CCDC33: variants seen among roughly 807,000 people sequenced by gnomAD.
The protein encoded by CCDC33 is coiled-coil domain-containing protein 33.
A neutral mutation model predicts 91.9 loss-of-function variants in CCDC33; 94 were observed. The observed-to-expected ratio is 1.02, with a 90% confidence interval of 0.87 to 1.21. The LOEUF (loss-of-function observed/expected upper bound fraction) is 1.21, where lower values mean the gene tolerates loss of function less well. Among genes scored for constraint, CCDC33 ranks in the 50% most tolerant of loss-of-function variants. CCDC33 has a pLI of 0.00. For missense variants in CCDC33, 940 were observed against 935.5 expected (o/e 1.00, Z -0.06); for synonymous variants, 396 against 374.5 (o/e 1.06, Z -0.66).
chr15:74,297,557 G>T (rs898554568), intron 11 of CCDC33, among the ~76,000 whole-genome samples: 1 of 152,160 alleles, frequency 6.6e-6, no homozygotes, highest in Non-Finnish European at 1.5e-5. Flanking sequence ...AGCTGGACTT[G>T]TTGGTGCACG....
chr15:74,220,803 C>T (rs1218873623), intron 2 of CCDC33, among the ~76,000 whole-genome samples: 6 of 152,118 alleles, frequency 3.9e-5, no homozygotes, highest in African/African-American at 7.2e-5. Flanking sequence ...ATAACCCTGA[C>T]GACAGGGCCA....
At chr15:74,246,515 C>G (rs2075534425) in intron 2 of CCDC33, among the ~76,000 whole-genome samples, 1 of 152,090 alleles carries the variant, frequency 6.6e-6, no homozygotes. Context: ...GAAAAAGACC[C>G]GAATAGACAT....
chr15:74,237,619 C>G (rs115890445), intron 1 of CCDC33, among the ~76,000 whole-genome samples: 9 of 152,308 alleles, frequency 5.9e-5, no homozygotes, highest in East Asian at 1.9e-4. Context: ...AGCTGCCCCC[C>G]ACCCCCTGCA....
At chr15:74,285,815 A>G (rs145613953) in intron 10 of CCDC33, among the ~76,000 whole-genome samples, 3 of 152,306 alleles carry the variant, frequency 2.0e-5, no homozygotes, top group African/African-American at 7.2e-5. Context: ...TGTGTAGGTG[A>G]GTACGTATAT....
At chr15:74,329,992 C>G (rs1025341119) in intron 11 of CCDC33, among the ~76,000 whole-genome samples, 197 bp from the exon 12 acceptor site, 2 of 152,170 alleles carry the variant, frequency 1.3e-5, no homozygotes, top group East Asian at 1.9e-4. Flanking sequence ...GTGTGGCTGC[C>G]CTCACATGGC....
At chr15:74,288,964 G>C (rs2059532450) in intron 10 of CCDC33, among the ~76,000 whole-genome samples, 1 of 152,218 alleles carries the variant, frequency 6.6e-6, no homozygotes, top group African/African-American at 2.4e-5. Context: ...AGGTAACCTA[G>C]CACAGTGTCC....
chr15:74,271,839 G>C (rs1566987284), intron 6 of CCDC33, 45 bp downstream of exon 6: 1 of 1,507,968 alleles, frequency 6.6e-7, no homozygotes, highest in African/African-American at 1.4e-5. Context: ...GCAGAGCAGA[G>C]GGCAGAGGAG....
upstream of CCDC33, chr15:74,212,286 T>C (rs2074375165): frequency 6.6e-6 from 1 of 152,328 alleles, no homozygotes; most frequent in African/African-American, 2.4e-5. Flanking sequence ...AGGTCAGTGC[T>C]GCTGAGCAGT....
intron 1 of CCDC33, 37 bp from the exon 2 acceptor site, chr15:74,243,948 A>G (rs769521729): frequency 1.6e-5 from 24 of 1,516,404 alleles, no homozygotes; most frequent in Non-Finnish European, 2.1e-5. Flanking sequence ...CTGTCTCAAA[A>G]AAAAAAAAAA....
rs530768327 is a variant in CCDC33, at chr15:74,327,375, C to T, written c.1291-2814C>T. Among the ~76,000 whole-genome samples the T allele has an allele frequency of 9.2e-5, 14 of 152,322 alleles. No individual in the cohort carries two copies. In the South Asian group the frequency reaches 2.5e-3, roughly 27 times the overall value. On this transcript the variant is annotated intron_variant, in intron 11 of 18. Transcript: ENST00000398814. ...CTGGGCCAGGTGCGGTGGCTCATTC[C>T]TCTAATCTCAGCACTTTGGGAGGCT...
chr15:74,335,958 C>T lies in CCDC33; in HGVS notation c.2173C>T (p.Pro725Ser). 6.2e-7 allele frequency: 1 copy of T among 1,613,924 alleles called. No individual in the cohort carries two copies. Among genetic ancestry groups the T allele is most frequent in the South Asian group, 1.1e-5 (1 of 91,078 alleles). ...ALTHSMDLKQ[P>S]SELEPLLPSS... is the part of the protein sequence containing the mutation. ...CACCCACTCCATGGACCTCAAGCAGCCCTCAGAGCTGGAGCCCCTGCTGCC... is the reference window on the plus strand; with the variant it reads ...CACCCACTCCATGGACCTCAAGCAGTCCTCAGAGCTGGAGCCCCTGCTGCC... The change falls in exon 19 of 19, where the codon CCC becomes TCC. Residue 725 changes from proline to serine, a missense_variant. Transcript: ENST00000398814.
chr15:74,333,145 C>A, intron 16 of CCDC33: 1 of 1,227,658 alleles, frequency 8.1e-7, no homozygotes, highest in Non-Finnish European at 1.2e-6. Flanking sequence ...CTGGACCCTA[C>A]ACAGGCCTCT....
At chr15:74,292,177 C>T (rs900548872) in intron 10 of CCDC33, among the ~76,000 whole-genome samples, 2 of 152,342 alleles carry the variant, frequency 1.3e-5, no homozygotes, top group East Asian at 1.9e-4. Flanking sequence ...CCAGCAGCCC[C>T]CACCTTACCT....
chr15:74,266,576 C>G (rs2076171216), intron 3 of CCDC33, 102 bp from the exon 4 acceptor site: 4 of 817,948 alleles, frequency 4.9e-6, no homozygotes, highest in Non-Finnish European at 8.4e-6. Flanking sequence ...GGCCCCTGCT[C>G]CCTACTCTCA....
intron 11 of CCDC33, among the ~76,000 whole-genome samples, chr15:74,322,614 T>C (rs1377181003): frequency 2.0e-5 from 3 of 152,208 alleles, no homozygotes; most frequent in Admixed American, 6.5e-5. Flanking sequence ...GAAGGCTGGC[T>C]GGACCACCTG....
At chr15:74,269,313 C>G (rs914742085) in intron 5 of CCDC33, among the ~76,000 whole-genome samples, 2 of 151,746 alleles carry the variant, frequency 1.3e-5, no homozygotes, top group Non-Finnish European at 2.9e-5. Context: ...TTCCCACCCC[C>G]CTACTTCCCA....
At chr15:74,280,142 G>A in intron 8 of CCDC33, 50 bp downstream of exon 8, 1 of 1,607,740 alleles carries the variant, frequency 6.2e-7, no homozygotes, top group East Asian at 2.2e-5. Context: ...CAGGAGATCT[G>A]TATTATGAAA....
In CCDC33 at chr15:74,330,170, T is replaced by G; in HGVS notation, c.1291-19T>G. 1 of 1,583,880 alleles carries G rather than the reference T, an allele frequency of 6.3e-7. No individual in the cohort carries two copies. ...TGCTATGGGGCAGTGGGCTCAGCTCTGGGCTCTGGGATCCACAGGAGATGA... is the reference window on the plus strand; with the variant it reads ...TGCTATGGGGCAGTGGGCTCAGCTCGGGGCTCTGGGATCCACAGGAGATGA... On this transcript the variant is annotated intron_variant, in intron 11 of 18. Coordinates refer to ENST00000398814, the MANE Select transcript of CCDC33 (RefSeq NM_025055.5).
chr15:74,268,499 G>GGGGGGGGGGGGGGGGGGGGA, intron 5 of CCDC33, 41 bp downstream of exon 5: 1 of 1,236,368 alleles, frequency 8.1e-7, no homozygotes, highest in East Asian at 2.8e-5. Context: ...GTGGGGGTGG[G>GGGGGGGGGGGGGGGGGGGGA]AAAGGGCCAA....
Sources: gnomAD v4.1 joint callset for allele counts (sites outside exome capture counted in the v4.1 genomes callset) on GRCh38, gnomAD v4.1.1 for gene constraint, MANE v1.5 for transcripts, NCBI Gene and HGNC (gene_info 2026-07-23, HGNC 2026-07-21) for gene names.